Variants in LGSN observed in about 807,000 individuals in gnomAD.
The protein encoded by LGSN is lengsin.
In LGSN, 21 loss-of-function variants were observed where a neutral mutation model predicts 19.5. That is an observed-to-expected ratio of 1.07 (90% confidence interval 0.76 to 1.55). The LOEUF (loss-of-function observed/expected upper bound fraction) is 1.55, where lower values mean the gene tolerates loss of function less well. Ranked by LOEUF, LGSN falls within the 40% of genes most tolerant of loss-of-function variation. The probability of loss-of-function intolerance (pLI) is 0.00; values close to 1 mark genes in which losing one functional copy is unlikely to be tolerated. For missense variants in LGSN, 673 were observed against 608.5 expected, an observed-to-expected ratio of 1.11 and a Z score of -1.12; for synonymous variants, 257 against 215.6, an observed-to-expected ratio of 1.19 and a Z score of -1.68.
the LGSN span, among the ~76,000 whole-genome samples, chr6:63,472,864 C>T: frequency 1.3e-5 from 2 of 151,998 alleles, no homozygotes; most frequent in Non-Finnish European, 2.9e-5. Context: ...TGGCATGAAC[C>T]CAGGAGGCGG....
chr6:63,505,794 G>A, the LGSN span, among the ~76,000 whole-genome samples: 1 of 152,096 alleles, frequency 6.6e-6, no homozygotes, highest in East Asian at 1.9e-4. Context: ...CAAGTAGCTG[G>A]GACTATAGGT....
chr6:63,352,084 A>C, the LGSN span, among the ~76,000 whole-genome samples: 1 of 152,236 alleles, frequency 6.6e-6, no homozygotes, highest in Admixed American at 6.5e-5. Flanking sequence ...TTCCTGGAAA[A>C]TAAATGCAAT....
chr6:63,457,231 C>T, the LGSN span, among the ~76,000 whole-genome samples: 2 of 152,126 alleles, frequency 1.3e-5, no homozygotes, highest in African/African-American at 4.8e-5. Context: ...TTGGACCGGG[C>T]GTGGTGGCTC....
intron 2 of LGSN, 69 bp from the exon 3 acceptor site, chr6:63,285,822 G>A (rs1767513108): frequency 8.2e-7 from 1 of 1,225,648 alleles, no homozygotes; most frequent in Non-Finnish European, 1.2e-6. Flanking sequence ...GGAGACTGGA[G>A]ACTAGTGAAT....
chr6:63,486,682 C>CTTTT, the LGSN span, among the ~76,000 whole-genome samples: 323 of 115,766 alleles, frequency 2.8e-3, no homozygotes, highest in Middle Eastern at 4.6e-3. Context: ...TTATTTTCTT[C>CTTTT]TTTTTTTTTT....
At chr6:63,435,102 T>C in the LGSN span, among the ~76,000 whole-genome samples, 1 of 152,196 alleles carries the variant, frequency 6.6e-6, no homozygotes, top group Non-Finnish European at 1.5e-5. Flanking sequence ...CAGAAAGCCC[T>C]GACCCACCAC....
chr6:63,428,726 C>T, the LGSN span, among the ~76,000 whole-genome samples: 15 of 152,186 alleles, frequency 9.9e-5, no homozygotes, highest in Non-Finnish European at 1.9e-4. Context: ...AATCTTGTGA[C>T]CCAGAACTAG....
At chr6:63,477,234 C>CAAT in the LGSN span, among the ~76,000 whole-genome samples, 3 of 152,158 alleles carry the variant, frequency 2.0e-5, no homozygotes, top group African/African-American at 4.8e-5. Flanking sequence ...AAAAGACAGA[C>CAAT]AATAGATTTT....
chr6:63,476,618 T>G, the LGSN span, among the ~76,000 whole-genome samples: 2 of 152,196 alleles, frequency 1.3e-5, no homozygotes. Flanking sequence ...TTTCTCCATG[T>G]GGCTGGGTCT....
intron 1 of LGSN, among the ~76,000 whole-genome samples, chr6:63,300,339 T>A (rs1049191542): frequency 1.3e-5 from 2 of 152,218 alleles, no homozygotes; most frequent in African/African-American, 4.8e-5. Flanking sequence ...TTCAAAATTA[T>A]TTTCAGAAAC....
the LGSN span, among the ~76,000 whole-genome samples, chr6:63,341,198 C>T: frequency 1.3e-5 from 2 of 152,166 alleles, no homozygotes; most frequent in East Asian, 3.8e-4. Flanking sequence ...CAGAAGCAAG[C>T]TGATCCTCAG....
At chr6:63,492,692 C>T in the LGSN span, among the ~76,000 whole-genome samples, 1 of 152,182 alleles carries the variant, frequency 6.6e-6, no homozygotes, top group East Asian at 1.9e-4. Flanking sequence ...AAAGCTTTTC[C>T]AGGCACAGAA....
At chr6:63,417,326 C>T in the LGSN span, among the ~76,000 whole-genome samples, 1 of 152,118 alleles carries the variant, frequency 6.6e-6, no homozygotes, top group East Asian at 1.9e-4. Flanking sequence ...CACAACACAC[C>T]AGCACCAGTG....
the LGSN span, among the ~76,000 whole-genome samples, chr6:63,506,978 A>C: frequency 6.6e-6 from 1 of 152,162 alleles, no homozygotes; most frequent in Non-Finnish European, 1.5e-5. Flanking sequence ...TAGAAGAATG[A>C]GGAAGGGAAG....
At chr6:63,304,929 C>T (rs1210877601) in intron 1 of LGSN, among the ~76,000 whole-genome samples, 2 of 152,104 alleles carry the variant, frequency 1.3e-5, no homozygotes, top group South Asian at 4.1e-4. Context: ...GGAAGTAGCA[C>T]CAAAGCCCTA....
chr6:63,509,152 C>T, the LGSN span, among the ~76,000 whole-genome samples: 5 of 151,338 alleles, frequency 3.3e-5, no homozygotes, highest in African/African-American at 1.2e-4. Context: ...GCAACCTCCA[C>T]CCCCTAGGTT....
chr6:63,501,871 A>G, the LGSN span, among the ~76,000 whole-genome samples: 2 of 152,122 alleles, frequency 1.3e-5, no homozygotes, highest in South Asian at 2.1e-4. Flanking sequence ...ATCACAGGTA[A>G]CTGCATCCTC....
chr6:63,285,830 A>G, intron 2 of LGSN, 77 bp from the exon 3 acceptor site: 2 of 1,076,612 alleles, frequency 1.9e-6, no homozygotes, highest in Non-Finnish European at 2.8e-6. Context: ...GAGACTAGTG[A>G]ATTAGTCAAT....
the LGSN span, among the ~76,000 whole-genome samples, chr6:63,454,252 A>G: frequency 5.9e-5 from 9 of 152,246 alleles, no homozygotes; most frequent in African/African-American, 1.2e-4. Context: ...AGCATTTTGC[A>G]TGAGGGAAGT....
Sources: gnomAD v4.1 joint callset for allele counts (sites outside exome capture counted in the v4.1 genomes callset) on GRCh38, gnomAD v4.1.1 for gene constraint, MANE v1.5 for transcripts, NCBI Gene and HGNC (gene_info 2026-07-23, HGNC 2026-07-21) for gene names.